POU6F2: variants seen among roughly 807,000 people sequenced by gnomAD.
The protein encoded by POU6F2 is POU domain, class 6, transcription factor 2.
POU6F2 carries 31 observed loss-of-function variants against 71.3 expected under a neutral mutation model. That is an observed-to-expected ratio of 0.43 (90% CI 0.33 to 0.59). The LOEUF is 0.59. POU6F2 is among the 20% of genes least tolerant of loss of function. The probability of loss-of-function intolerance (pLI) is 0.04; values close to 1 mark genes in which losing one functional copy is unlikely to be tolerated. For missense variants in POU6F2, 783 were observed against 856.8 expected, an observed-to-expected ratio of 0.91 and a Z score of 1.07; for synonymous variants, 347 against 355.7, an observed-to-expected ratio of 0.98 and a Z score of 0.27.
intron 1 of POU6F2, among the ~76,000 whole-genome samples, chr7:39,030,526 A>G (rs1437083944): frequency 8.2e-6 from 1 of 121,354 alleles, no homozygotes; most frequent in Non-Finnish European, 1.7e-5. Flanking sequence ...ATATATATAT[A>G]TATATATATA....
intron 5 of POU6F2, among the ~76,000 whole-genome samples, chr7:39,380,126 C>A (rs887659876): frequency 2.0e-5 from 3 of 152,184 alleles, no homozygotes; most frequent in African/African-American, 7.2e-5. Flanking sequence ...GATGCTCCCA[C>A]TGAATATTTT....
intron 2 of POU6F2, among the ~76,000 whole-genome samples, chr7:39,153,114 G>T (rs1384884880): frequency 6.6e-6 from 1 of 152,104 alleles, no homozygotes; most frequent in Non-Finnish European, 1.5e-5. Context: ...GCGGTGATGT[G>T]CGTTGGACAA....
chr7:39,105,469 G>A lies in POU6F2; in HGVS notation c.277+19438G>A, dbSNP rs150114032. Among the ~76,000 whole-genome samples the A allele has an allele frequency of 4.9e-3, 734 of 149,130 alleles. 9 individuals are homozygous for A. The highest frequency in any genetic ancestry group is 0.017 in the African/African-American group (695 of 40,426). On this transcript the variant is annotated intron_variant, in intron 2 of 9. Coordinates refer to ENST00000518318, the MANE Select transcript of POU6F2 (RefSeq NM_001370959.1). Reference sequence around the variant, plus strand: ...TTTCCTGGTTTTATCTAAGAGACTCGCTCTTCAAGTGTCTTGAATTCTTGT... The same window carrying A: ...TTTCCTGGTTTTATCTAAGAGACTCACTCTTCAAGTGTCTTGAATTCTTGT...
chr7:39,017,257 A>G (rs1584501924), intron 1 of POU6F2, among the ~76,000 whole-genome samples: 1 of 152,266 alleles, frequency 6.6e-6, no homozygotes, highest in East Asian at 1.9e-4. Flanking sequence ...TAGTAAATAC[A>G]GTTTTACCTA....
At chr7:39,385,105 C>T (rs973517654) in intron 5 of POU6F2, among the ~76,000 whole-genome samples, 1 of 152,126 alleles carries the variant, frequency 6.6e-6, no homozygotes, top group African/African-American at 2.4e-5. Flanking sequence ...ACACCAAAAT[C>T]CATGCAGAGT....
chr7:39,102,789 G>T (rs1791603461), intron 2 of POU6F2, among the ~76,000 whole-genome samples: 1 of 152,126 alleles, frequency 6.6e-6, no homozygotes. Flanking sequence ...AAATCTAGAT[G>T]GTGGAGCCTA....
At chr7:39,018,925 G>A (rs1438361427) in intron 1 of POU6F2, among the ~76,000 whole-genome samples, 3 of 152,062 alleles carry the variant, frequency 2.0e-5, no homozygotes, top group Admixed American at 2.0e-4. Context: ...TTGCTTCTTG[G>A]AAACACTCCT....
chr7:39,334,205 G>C (rs1339706054), intron 4 of POU6F2, among the ~76,000 whole-genome samples: 1 of 152,166 alleles, frequency 6.6e-6, no homozygotes. Flanking sequence ...TGATAACACT[G>C]ACCATATGCA....
intron 2 of POU6F2, among the ~76,000 whole-genome samples, chr7:39,190,417 T>TAAAAAAAAAAAAAAA (rs57872350): frequency 1.2e-4 from 7 of 59,892 alleles, no homozygotes; most frequent in African/African-American, 5.2e-4. Context: ...CTCCTTTTCT[T>TAAAAAAAAAAAAAAA]AAAAAAAAAA....
chr7:39,264,381 G>C (rs965026337), intron 4 of POU6F2, among the ~76,000 whole-genome samples: 11 of 152,218 alleles, frequency 7.2e-5, no homozygotes, highest in African/African-American at 2.7e-4. Flanking sequence ...CTGAGTTATG[G>C]CCTGGTTAGA....
chr7:39,233,576 G>C (rs1794617087), intron 4 of POU6F2, among the ~76,000 whole-genome samples: 1 of 152,178 alleles, frequency 6.6e-6, no homozygotes, highest in Non-Finnish European at 1.5e-5. Flanking sequence ...AGGGCTAGAG[G>C]ATGATGATCT....
chr7:39,358,527 C>T (rs1786305515), intron 5 of POU6F2, among the ~76,000 whole-genome samples: 2 of 152,144 alleles, frequency 1.3e-5, no homozygotes, highest in Non-Finnish European at 2.9e-5. Flanking sequence ...ATCAGAATGT[C>T]CTGGATGCAG....
At chr7:39,205,365 G>A (rs1584600854) in intron 3 of POU6F2, among the ~76,000 whole-genome samples, 1 of 152,092 alleles carries the variant, frequency 6.6e-6, no homozygotes, top group South Asian at 2.1e-4. Context: ...ACATACTGGG[G>A]GTAACACACT....
Position 39,419,396 on chromosome 7 carries a change from G to A in POU6F2, c.1113+12656G>A, listed in dbSNP as rs554471274. ...TGGGATTACAGGCACGCACCATCAC[G>A]GCCCACTAATTTTCGTATTTTTTAA... On this transcript the variant is annotated intron_variant, in intron 6 of 9. Transcript: ENST00000518318. 8.6e-5 allele frequency among the ~76,000 whole-genome samples: 13 copies of A among 151,456 alleles called. No individual in the cohort carries two copies. The South Asian group carries it at 1.5e-3, about 17-fold the overall frequency.
chr7:39,069,410 C>T (rs893238113), intron 1 of POU6F2, among the ~76,000 whole-genome samples: 7 of 152,108 alleles, frequency 4.6e-5, no homozygotes, highest in South Asian at 2.1e-4. Flanking sequence ...CGGAGAGTCC[C>T]GCAGGTGATA....
At chr7:39,252,340 A>G (rs560318165) in intron 4 of POU6F2, among the ~76,000 whole-genome samples, 13 of 151,466 alleles carry the variant, frequency 8.6e-5, no homozygotes, top group Admixed American at 8.6e-4. Context: ...TAGATTCATA[A>G]GTTTTGCAGC....
chr7:39,297,151 A>G (rs544438328), intron 4 of POU6F2, among the ~76,000 whole-genome samples: 4 of 149,240 alleles, frequency 2.7e-5, no homozygotes, highest in Admixed American at 2.7e-4. Context: ...TTTAGTGTTT[A>G]TGCCTAATTA....
At chr7:39,258,721 G>A (rs1204333031) in intron 4 of POU6F2, among the ~76,000 whole-genome samples, 3 of 151,094 alleles carry the variant, frequency 2.0e-5, no homozygotes, top group Non-Finnish European at 4.4e-5. Context: ...AAAAGAAGAA[G>A]AAGAAGAAGG....
chr7:39,049,599 C>T (rs1047615002), intron 1 of POU6F2, among the ~76,000 whole-genome samples: 5 of 151,968 alleles, frequency 3.3e-5, no homozygotes, highest in African/African-American at 1.2e-4. Flanking sequence ...CAAATGATAG[C>T]TTGTGGTTAT....
Sources: allele counts gnomAD v4.1 joint callset (sites outside exome capture counted in the v4.1 genomes callset), GRCh38; gene constraint gnomAD v4.1.1; transcripts MANE v1.5; gene names NCBI Gene and HGNC (gene_info 2026-07-23, HGNC 2026-07-21).